LCOR: variants seen among roughly 807,000 people sequenced by gnomAD.
The protein encoded by LCOR is ligand-dependent corepressor.
LCOR carries 14 observed loss-of-function variants against 64.4 expected under a neutral mutation model. That is an observed-to-expected ratio of 0.22 (90% CI 0.14 to 0.34). The LOEUF is 0.34. LCOR is among the 10% of genes least tolerant of loss of function. The pLI is 1.00. For missense variants in LCOR, 1,686 were observed against 1,765.3 expected (o/e 0.96, Z 0.80); for synonymous variants, 643 against 642.5 (o/e 1.00, Z -0.01).
At chr10:96,904,564 C>T (rs1242426623) in intron 2 of LCOR, among the ~76,000 whole-genome samples, 1 of 152,140 alleles carries the variant, frequency 6.6e-6, no homozygotes, top group Non-Finnish European at 1.5e-5. Context: ...AACCTTGAGA[C>T]TAGTTGTGAT....
At chr10:96,891,336 G>C (rs1269980140) in intron 2 of LCOR, among the ~76,000 whole-genome samples, 1 of 151,642 alleles carries the variant, frequency 6.6e-6, no homozygotes, top group African/African-American at 2.4e-5. Flanking sequence ...GTTTCTATAA[G>C]ATTGTAAAGA....
intron 2 of LCOR, among the ~76,000 whole-genome samples, chr10:96,875,577 A>G (rs781351889): frequency 2.6e-5 from 4 of 152,032 alleles, no homozygotes; most frequent in Non-Finnish European, 5.9e-5. Context: ...TTGAAAACAC[A>G]TGGGCCAGGT....
chr10:96,965,816 T>A (rs1376680272), intron 7 of LCOR, among the ~76,000 whole-genome samples: 2 of 152,166 alleles, frequency 1.3e-5, no homozygotes, highest in Non-Finnish European at 2.9e-5. Flanking sequence ...CAAGATTTTT[T>A]AAGAAAGCTA....
At chr10:96,956,676 A>G in intron 7 of LCOR, 1 of 985,866 alleles carries the variant, frequency 1.0e-6, no homozygotes, top group Non-Finnish European at 1.2e-6. Context: ...AGATTTTCTA[A>G]GGGTAGAATT....
intron 7 of LCOR, among the ~76,000 whole-genome samples, chr10:96,969,246 T>C (rs894079976): frequency 2.0e-5 from 3 of 152,210 alleles, no homozygotes; most frequent in African/African-American, 7.2e-5. Context: ...GTGAGGTCGT[T>C]GTGTTCATAT....
Position 96,983,876 on chromosome 10 carries a change from G to A in LCOR, c.3416G>A (p.Arg1139Lys). 1 of 1,614,058 alleles carries A rather than the reference G, an allele frequency of 6.2e-7. No individual in the cohort carries two copies. The highest frequency in any genetic ancestry group is 8.5e-7 in the Non-Finnish European group (1 of 1,180,000). ...EKEGQPTPRA[R>K]NKSDKLKEIW... ...GAAGGACAGCCAACACCAAGAGCAAGGAACAAATCAGATAAACTGAAAGAG... is the reference window on the plus strand; with the variant it reads ...GAAGGACAGCCAACACCAAGAGCAAAGAACAAATCAGATAAACTGAAAGAG... The change falls in exon 8 of 8, where the codon AGG becomes AAG. Residue 1139 changes from arginine (R) to lysine (K), a missense_variant. Physicochemically the swap from Arg to Lys is conservative, Grantham distance 26 (BLOSUM62 2). Coordinates refer to ENST00000421806, the MANE Select transcript of LCOR (RefSeq NM_001346516.2). This position sits in a 1 kb window ranked among gnomAD's most constrained non-coding sequence, Gnocchi z 4.5.
chr10:96,889,768 G>A (rs936215347), intron 2 of LCOR, among the ~76,000 whole-genome samples: 1 of 152,156 alleles, frequency 6.6e-6, no homozygotes, highest in Non-Finnish European at 1.5e-5. Context: ...TTGGATGGCT[G>A]TACTCCATTT....
chr10:96,929,982 AC>A (rs752894642), intron 4 of LCOR, among the ~76,000 whole-genome samples: 4 of 152,182 alleles, frequency 2.6e-5, no homozygotes, highest in Non-Finnish European at 5.9e-5. Context: ...AGTGTGTGGG[AC>A]CTCAAAATAA....
chr10:96,852,571 C>T (rs543959784), intron 2 of LCOR, among the ~76,000 whole-genome samples: 4 of 152,256 alleles, frequency 2.6e-5, no homozygotes, highest in Admixed American at 1.3e-4. Context: ...GAACAAAATC[C>T]TAAACCTGAA....
chr10:96,912,607 T>TTCCTTC (rs1554836477), intron 4 of LCOR, among the ~76,000 whole-genome samples: 7 of 140,394 alleles, frequency 5.0e-5, no homozygotes, highest in South Asian at 2.3e-4. Flanking sequence ...TTTCTTCCTT[T>TTCCTTC]CTTCCTTCCT....
At position 96,994,550 on chromosome 10, in the gene LCOR, G is replaced by A. The variant is rs1041761535; in HGVS notation, c.*9416G>A. On this transcript the variant is annotated 3_prime_UTR_variant, in exon 8 of 8. Transcript: ENST00000421806. ...TGATGGTGTTTGGAATTTTTCACTAGTGTATTTTTAGACTGAAGTGGGTGC... is the reference window on the plus strand; with the variant it reads ...TGATGGTGTTTGGAATTTTTCACTAATGTATTTTTAGACTGAAGTGGGTGC... The A allele has an allele frequency of 6.6e-6, 1 of 152,166 alleles. No homozygotes were observed. Among genetic ancestry groups the A allele is most frequent in the Admixed American group, 6.5e-5 (1 of 15,272 alleles). 9.4% of individuals were successfully genotyped at this position (152,166 alleles called of 1,614,324 possible).
Position 96,982,699 on chromosome 10 carries a change from T to C in LCOR, c.2239T>C (p.Leu747=). 1 of 1,614,092 alleles carries C rather than the reference T, an allele frequency of 6.2e-7. No individual in the cohort carries two copies. The highest frequency in any genetic ancestry group is 1.1e-5 in the South Asian group (1 of 91,078). The change falls in exon 8 of 8, where the codon TTG becomes CTG. Residue 747 remains leucine, a synonymous_variant. Transcript: ENST00000421806. ...DTQELNVDPL[L]KESSTFTDEN... is the part of the protein sequence containing the mutation. ...CCAGGAGCTAAATGTCGACCCACTC[T>C]TGAAGGAAAGCAGCACTTTTACTGA...
chr10:96,887,228 G>A (rs747867993), intron 2 of LCOR, among the ~76,000 whole-genome samples: 1 of 152,160 alleles, frequency 6.6e-6, no homozygotes, highest in African/African-American at 2.4e-5. Flanking sequence ...TGCACTCAGA[G>A]CATGTGCCAG....
intron 2 of LCOR, among the ~76,000 whole-genome samples, chr10:96,898,251 G>A (rs1365438514): frequency 6.6e-6 from 1 of 152,170 alleles, no homozygotes; most frequent in African/African-American, 2.4e-5. Context: ...GAATTAGATT[G>A]AGGGTTGCAG....
chr10:96,864,742 T>C (rs1354445490), intron 2 of LCOR, among the ~76,000 whole-genome samples: 1 of 152,250 alleles, frequency 6.6e-6, no homozygotes. Context: ...TGTTTAGATA[T>C]ACACATACTT....
chr10:96,925,432 A>G (rs1327973365), intron 4 of LCOR, among the ~76,000 whole-genome samples: 1 of 152,192 alleles, frequency 6.6e-6, no homozygotes. Flanking sequence ...TTTATTTTGT[A>G]GAATTTCTCT....
chr10:96,955,275 A>G (rs1209520571), intron 7 of LCOR: 6 of 1,614,174 alleles, frequency 3.7e-6, no homozygotes, highest in Non-Finnish European at 4.2e-6. Context: ...CAGCAACATC[A>G]GTGACCTTCC....
chr10:96,899,523 AACCTGGTTCTCTCTAAAT>A (rs1339064855), intron 2 of LCOR, among the ~76,000 whole-genome samples: 1 of 152,042 alleles, frequency 6.6e-6, no homozygotes, highest in Non-Finnish European at 1.5e-5. Flanking sequence ...ATAAACTTAA[AACCTGGTTCTCTCTAAAT>A]ACAGATCTTA....
chr10:96,985,287 A>G lies in LCOR; in HGVS notation c.*153A>G, dbSNP rs900466422. ...TGAGATGTCAGAAAATGCATCTCAG[A>G]TGGAGAAGGGAACTTGCAGAGTCCT... On this transcript the variant is annotated 3_prime_UTR_variant, in exon 8 of 8. Coordinates refer to ENST00000421806, the MANE Select transcript of LCOR (RefSeq NM_001346516.2). 6 of 942,732 alleles carry G rather than the reference A, an allele frequency of 6.4e-6. No individual in the cohort carries two copies. The highest frequency in any genetic ancestry group is 7.0e-5 in the Admixed American group (2 of 28,370). 58.4% of individuals were successfully genotyped at this position (942,732 alleles called of 1,614,324 possible).
Sources: gnomAD v4.1 joint callset for allele counts (sites outside exome capture counted in the v4.1 genomes callset) on GRCh38, gnomAD v4.1.1 for gene constraint, Gnocchi (gnomAD v3.1) non-coding constraint, MANE v1.5 for transcripts, NCBI Gene and HGNC (gene_info 2026-07-23, HGNC 2026-07-21) for gene names.